NKAIN3: variants seen among roughly 807,000 people sequenced by gnomAD.
The protein encoded by NKAIN3 is sodium/potassium transporting ATPase interacting 3.
NKAIN3 carries 25 observed loss-of-function variants against 30.2 expected under a neutral mutation model. The observed-to-expected ratio is 0.83, with a 90% CI of 0.60 to 1.16. The LOEUF (loss-of-function observed/expected upper bound fraction) is 1.16, where lower values mean the gene tolerates loss of function less well. NKAIN3 is among the 50% of genes most tolerant of loss of function. The pLI is 0.00. For synonymous variants in NKAIN3, 91 were observed against 89.6 expected (o/e 1.02, Z -0.09); for missense variants, 225 against 254.1 (o/e 0.89, Z 0.78).
At chr8:62,419,276 T>C (rs1417418838) in intron 1 of NKAIN3, among the ~76,000 whole-genome samples, 1 of 152,214 alleles carries the variant, frequency 6.6e-6, no homozygotes, top group East Asian at 1.9e-4. Flanking sequence ...CTGAATTCCA[T>C]GTACATGTAA....
At position 62,966,330 on chromosome 8, in the gene NKAIN3, T is replaced by C. The variant is rs1452329242; in HGVS notation, c.*923T>C. The C allele has an allele frequency of 3.0e-6, 3 of 984,424 alleles. No individual in the cohort carries two copies. The African/African-American group carries it at 5.2e-5, about 17-fold the overall frequency. 61.0% of individuals were successfully genotyped at this position (984,424 alleles called of 1,614,324 possible). On this transcript the variant is annotated 3_prime_UTR_variant, in exon 7 of 7. Transcript: ENST00000623646. Reference sequence around the variant, plus strand: ...TTCACGTGTGAGCAACATCAGCTTTTCTTTCTCCTACCCCTTCCCAATAAC... The same window carrying C: ...TTCACGTGTGAGCAACATCAGCTTTCCTTTCTCCTACCCCTTCCCAATAAC...
chr8:62,261,225 C>T (rs992472153), intron 1 of NKAIN3, among the ~76,000 whole-genome samples: 7 of 151,966 alleles, frequency 4.6e-5, no homozygotes, highest in South Asian at 4.2e-4. Flanking sequence ...GCTTTGAATA[C>T]GTCTGTAAAA....
In NKAIN3 at chr8:62,983,895, T is replaced by C. The variant is rs896821144; in HGVS notation, c.*18488T>C. 4 of 152,198 alleles carry C rather than the reference T, an allele frequency of 2.6e-5. No homozygotes were observed. Among genetic ancestry groups the C allele is most frequent in the Admixed American group, 1.3e-4 (2 of 15,288 alleles). The allele number at this position is 152,198 out of a possible 1,614,324, so 9.4% of individuals were successfully genotyped here. ...TACAAACAGACATTTTCTTGTTACA[T>C]GTGTGGTGATCTGAGAATGGTGACT... On this transcript the variant is annotated 3_prime_UTR_variant, in exon 7 of 7. Transcript: ENST00000623646.
chr8:62,938,984 T>C (rs1024995858), intron 5 of NKAIN3, among the ~76,000 whole-genome samples: 2 of 152,138 alleles, frequency 1.3e-5, no homozygotes, highest in African/African-American at 4.8e-5. Context: ...GAAGTCCAAC[T>C]TAAAGAAATT....
intron 4 of NKAIN3, among the ~76,000 whole-genome samples, chr8:62,831,321 A>C (rs931505819): frequency 6.6e-6 from 1 of 152,174 alleles, no homozygotes; most frequent in African/African-American, 2.4e-5. Flanking sequence ...TTATGGCTCC[A>C]TGAAAAACCT....
At chr8:62,494,329 A>G (rs1807165301) in intron 1 of NKAIN3, among the ~76,000 whole-genome samples, 1 of 152,112 alleles carries the variant, frequency 6.6e-6, no homozygotes, top group African/African-American at 2.4e-5. Flanking sequence ...ACATTTACTG[A>G]TTTGCATATG....
At chr8:62,640,764 G>A (rs1182387938) in intron 3 of NKAIN3, among the ~76,000 whole-genome samples, 1 of 152,078 alleles carries the variant, frequency 6.6e-6, no homozygotes, top group Non-Finnish European at 1.5e-5. Flanking sequence ...GCACCCCAGA[G>A]GTGGGTCTAA....
At chr8:62,321,186 G>T (rs1814882430) in intron 1 of NKAIN3, among the ~76,000 whole-genome samples, 2 of 152,050 alleles carry the variant, frequency 1.3e-5, no homozygotes, top group Admixed American at 6.6e-5. Flanking sequence ...AGCTCCATCA[G>T]GTCCTTTAAG....
At chr8:62,458,318 A>G (rs1805883119) in intron 1 of NKAIN3, among the ~76,000 whole-genome samples, 1 of 152,252 alleles carries the variant, frequency 6.6e-6, no homozygotes, top group Non-Finnish European at 1.5e-5. Context: ...AAGATGGACC[A>G]TGTGTAAATA....
At chr8:62,467,709 CAATAAATAAAATAAA>C (rs1307478208) in intron 1 of NKAIN3, among the ~76,000 whole-genome samples, 5 of 151,868 alleles carry the variant, frequency 3.3e-5, no homozygotes, top group Non-Finnish European at 5.9e-5. Flanking sequence ...CCATGATGCT[CAATAAATAAAATAAA>C]AATAAATAAA....
At chr8:62,627,125 G>T (rs1443298741) in intron 3 of NKAIN3, among the ~76,000 whole-genome samples, 1 of 152,138 alleles carries the variant, frequency 6.6e-6, no homozygotes, top group African/African-American at 2.4e-5. Context: ...ACACAATCGT[G>T]AATGAGAAGT....
chr8:62,780,104 G>A (rs1034891612), intron 4 of NKAIN3, among the ~76,000 whole-genome samples: 3 of 151,988 alleles, frequency 2.0e-5, no homozygotes, highest in African/African-American at 7.2e-5. Flanking sequence ...CAGAATTGAG[G>A]AGATATTACA....
At chr8:62,506,476 C>CTTTCTTTT (rs71559373) in intron 1 of NKAIN3, among the ~76,000 whole-genome samples, 17 of 98,452 alleles carry the variant, frequency 1.7e-4, no homozygotes, top group Admixed American at 5.0e-4. Context: ...TTCTTTCTTT[C>CTTTCTTTT]TTTTTTTTTT....
intron 4 of NKAIN3, chr8:62,855,669 C>T: frequency 6.2e-7 from 1 of 1,604,034 alleles, no homozygotes. Flanking sequence ...TGCTGCAGCC[C>T]AGGGTTCTCA....
intron 3 of NKAIN3, among the ~76,000 whole-genome samples, chr8:62,712,912 C>T (rs994293707): frequency 6.6e-6 from 1 of 152,218 alleles, no homozygotes; most frequent in African/African-American, 2.4e-5. Flanking sequence ...TCTGCTGCTC[C>T]CTCTACCACT....
rs1811990697 is a variant in NKAIN3, at chr8:62,249,058, G to A, written c.-16G>A. 6.5e-7 allele frequency: 1 copy of A among 1,533,470 alleles called. No individual in the cohort carries two copies. The highest frequency in any genetic ancestry group is 2.0e-5 in the Admixed American group (1 of 50,304). 95.0% of individuals were successfully genotyped at this position (1,533,470 alleles called of 1,614,324 possible). A position where few individuals can be genotyped will look rare whatever the true frequency, so the allele number is the denominator to read the frequency against. On this transcript the variant is annotated 5_prime_UTR_variant, in exon 1 of 7. Coordinates refer to ENST00000623646, the MANE Select transcript of NKAIN3 (RefSeq NM_001304533.3). ...GGATCTCTGGCAGTCAGCGCCGCTCGGACGCCGCCGGCACCATGGGCTGCT... is the reference window on the plus strand; with the variant it reads ...GGATCTCTGGCAGTCAGCGCCGCTCAGACGCCGCCGGCACCATGGGCTGCT...
intron 3 of NKAIN3, among the ~76,000 whole-genome samples, chr8:62,660,810 C>A (rs1396127463): frequency 1.3e-5 from 2 of 152,184 alleles, no homozygotes; most frequent in Non-Finnish European, 2.9e-5. Flanking sequence ...AGTCCACATA[C>A]CTCAGCCAAA....
chr8:62,526,449 G>A (rs1808306856), intron 1 of NKAIN3, among the ~76,000 whole-genome samples: 1 of 152,074 alleles, frequency 6.6e-6, no homozygotes, highest in Non-Finnish European at 1.5e-5. Flanking sequence ...CAGAGTAGAG[G>A]TTGAACTAGA....
At chr8:62,785,403 C>CACTTA (rs1448791267) in intron 4 of NKAIN3, among the ~76,000 whole-genome samples, 1 of 152,066 alleles carries the variant, frequency 6.6e-6, no homozygotes, top group Non-Finnish European at 1.5e-5. Flanking sequence ...GATCAGTCGT[C>CACTTA]ACTTACACTG....
Sources: allele counts gnomAD v4.1 joint callset (sites outside exome capture counted in the v4.1 genomes callset), GRCh38; gene constraint gnomAD v4.1.1; transcripts MANE v1.5; gene names NCBI Gene and HGNC (gene_info 2026-07-23, HGNC 2026-07-21).